P4HA3: variants seen among roughly 807,000 people sequenced by gnomAD.
P4HA3 encodes the protein prolyl 4-hydroxylase subunit alpha 3.
In P4HA3, 60 loss-of-function variants were observed where a neutral mutation model predicts 66.7. That is an observed-to-expected ratio of 0.90 (90% CI 0.73 to 1.12). P4HA3 has a LOEUF of 1.12. Among genes scored for constraint, P4HA3 ranks in the 50% most tolerant of loss-of-function variants. P4HA3 has a pLI of 0.00. For synonymous variants in P4HA3, 263 were observed against 274.6 expected, an observed-to-expected ratio of 0.96 and a Z score of 0.42; for missense variants, 683 against 685.8, an observed-to-expected ratio of 1.00 and a Z score of 0.05.
intron 1 of P4HA3, among the ~76,000 whole-genome samples, chr11:74,306,725 A>G (rs900790691): frequency 2.0e-5 from 3 of 152,192 alleles, no homozygotes; most frequent in Admixed American, 2.0e-4. Context: ...CAACTATGAA[A>G]TGAAGCCTGA....
downstream of P4HA3, among the ~76,000 whole-genome samples, chr11:74,266,039 A>G (rs1249521075): frequency 6.6e-6 from 1 of 152,202 alleles, no homozygotes; most frequent in African/African-American, 2.4e-5. Context: ...GAGCCACTGC[A>G]TTGAGTGGAA....
rs747859761 is a variant in P4HA3, at chr11:74,304,397, T to A, written c.216A>T (p.Val72=). ...TTGTTGAATCCTCATGCAAAGAAAG[T>A]ACCTTGTCGTAGAATCTGAAAGAAA... The part of the protein sequence containing the change: ...LRDLTRFYDK[V]LSLHEDSTTP... The change falls in exon 2 of 13, where the codon GTA becomes GTT. Residue 72 remains valine (V), a synonymous_variant. Coordinates refer to ENST00000331597, the MANE Select transcript of P4HA3 (RefSeq NM_182904.5). The A allele has an allele frequency of 3.6e-5, 58 of 1,613,934 alleles. No homozygotes were observed. Among genetic ancestry groups the A allele is most frequent in the Non-Finnish European group, 4.7e-5 (56 of 1,179,982 alleles).
At chr11:74,269,022 T>A (rs1860095321) in intron 11 of P4HA3, among the ~76,000 whole-genome samples, 1 of 152,238 alleles carries the variant, frequency 6.6e-6, no homozygotes, top group African/African-American at 2.4e-5. Flanking sequence ...GATTATCGAA[T>A]GCTCAGGATG....
chr11:74,272,682 TAGAA>T (rs1860247086), intron 10 of P4HA3, among the ~76,000 whole-genome samples: 2 of 152,322 alleles, frequency 1.3e-5, no homozygotes, highest in South Asian at 2.1e-4. Flanking sequence ...ACAGTCCTAA[TAGAA>T]GAGGAAAAGC....
intron 3 of P4HA3, among the ~76,000 whole-genome samples, chr11:74,299,625 CTT>C (rs1861337434): frequency 6.8e-6 from 1 of 147,208 alleles, no homozygotes; most frequent in Admixed American, 6.8e-5. Context: ...AATTCGGACA[CTT>C]TGAATAAACT....
chr11:74,289,102 A>G lies in P4HA3; in HGVS notation c.746T>C (p.Leu249Pro). Residue 249 changes from leucine to proline, a missense_variant, in exon 5 of 13, where the codon CTC becomes CCC. By Grantham distance (98) the Leu-to-Pro change is moderately conservative. Coordinates refer to ENST00000331597, the MANE Select transcript of P4HA3 (RefSeq NM_182904.5). ...RAGNVSCALS[L>P]SREFLLYSPD... Reference sequence around the variant, plus strand: ...ACTGTAGAGAAGAAACTCCCGAGAGAGGCTGAGGGCACACGAAACATTTCC... The same window carrying G: ...ACTGTAGAGAAGAAACTCCCGAGAGGGGCTGAGGGCACACGAAACATTTCC... 1 of 1,585,032 alleles carries G rather than the reference A, an allele frequency of 6.3e-7. No individual in the cohort carries two copies. The highest frequency in any genetic ancestry group is 1.8e-5 in the Admixed American group (1 of 55,966).
At chr11:74,289,905 C>A (rs1860950642) in intron 4 of P4HA3, among the ~76,000 whole-genome samples, 1 of 152,152 alleles carries the variant, frequency 6.6e-6, no homozygotes, top group South Asian at 2.1e-4. Flanking sequence ...TATAAACATA[C>A]ATGTGCATGT....
intron 15 of P4HA3, chr11:74,253,853 A>T: frequency 2.3e-6 from 1 of 427,612 alleles, no homozygotes; most frequent in Non-Finnish European, 4.2e-6. Flanking sequence ...GATACATCTG[A>T]GTTCAAATGT....
At chr11:74,272,803 T>C (rs1021308316) in intron 10 of P4HA3, among the ~76,000 whole-genome samples, 3 of 152,206 alleles carry the variant, frequency 2.0e-5, no homozygotes, top group Admixed American at 6.5e-5. Context: ...AACAGTAAGG[T>C]ATCTCTTCTA....
chr11:74,300,039 A>G (rs1484031828), intron 3 of P4HA3, among the ~76,000 whole-genome samples: 1 of 152,134 alleles, frequency 6.6e-6, no homozygotes. Flanking sequence ...TTGAGCCTCT[A>G]CTTCTGGTGA....
intron 3 of P4HA3, among the ~76,000 whole-genome samples, chr11:74,301,966 C>T (rs531359537): frequency 1.8e-4 from 28 of 152,276 alleles, no homozygotes; most frequent in African/African-American, 6.7e-4. Context: ...CCCCTGCTTT[C>T]CCTTTCTACC....
At chr11:74,308,758 TTAAAA>T (rs138633165) in intron 1 of P4HA3, among the ~76,000 whole-genome samples, 5 of 152,246 alleles carry the variant, frequency 3.3e-5, no homozygotes, top group African/African-American at 9.6e-5. Context: ...CTAGATGGTC[TTAAAA>T]TAAAATAAAA....
At chr11:74,295,767 A>G (rs771191761) in intron 4 of P4HA3, among the ~76,000 whole-genome samples, 2 of 152,122 alleles carry the variant, frequency 1.3e-5, no homozygotes, top group Non-Finnish European at 2.9e-5. Flanking sequence ...CCATTCCACT[A>G]CTGTTGGACA....
chr11:74,311,514 G>T lies in P4HA3; in HGVS notation c.98C>A (p.Ala33Glu). 1.9e-6 allele frequency: 3 copies of T among 1,540,216 alleles called. No homozygotes were observed. The highest frequency in any genetic ancestry group is 1.2e-5 in the South Asian group (1 of 84,016). Residue 33 changes from alanine (A) to glutamate (E), a missense_variant, in exon 1 of 13, where the codon GCG becomes GAG. Physicochemically the swap from Ala to Glu is moderately radical, Grantham distance 107. Coordinates refer to ENST00000331597, the MANE Select transcript of P4HA3 (RefSeq NM_182904.5). Reference protein sequence around the residue: ...RAAARGDTFSALTSVARALAP... With the variant: ...RAAARGDTFSELTSVARALAP... ...CAGGGCGCGCGCCACGCTGGTCAGC[G>T]CCGAGAACGTGTCGCCCCGAGCCGC...
At chr11:74,306,925 C>T (rs1861596905) in intron 1 of P4HA3, among the ~76,000 whole-genome samples, 1 of 152,142 alleles carries the variant, frequency 6.6e-6, no homozygotes, top group Non-Finnish European at 1.5e-5. Context: ...TGAAACCAGC[C>T]TCCAGGGTGT....
At chr11:74,306,480 A>G (rs1861583434) in intron 1 of P4HA3, among the ~76,000 whole-genome samples, 1 of 152,224 alleles carries the variant, frequency 6.6e-6, no homozygotes, top group African/African-American at 2.4e-5. Flanking sequence ...TTTTAAAATT[A>G]TCAACTTCAA....
At chr11:74,266,330 T>C (rs1859990851), downstream of P4HA3, among the ~76,000 whole-genome samples, 1 of 152,186 alleles carries the variant, frequency 6.6e-6, no homozygotes, top group Non-Finnish European at 1.5e-5. Context: ...TTGTATAAAA[T>C]GGTGTAGTAT....
intron 15 of P4HA3, chr11:74,251,370 C>T (rs979046814): frequency 3.7e-6 from 5 of 1,357,942 alleles, no homozygotes; most frequent in Non-Finnish European, 3.8e-6. Context: ...AATATGGGCT[C>T]CTCCTGTGAG....
Position 74,311,579 on chromosome 11 carries a change from C to A in P4HA3, c.33G>T (p.Leu11=). ...CTCCTGTCCCGAGCGCCAGCACCGC[C>A]AGCAGCGCCGCCAGCCGCGCCCCAG... MGPGARLAAL[L]AVLALGTGDP... is the part of the protein sequence containing the mutation. The change falls in exon 1 of 13, where the codon CTG becomes CTT. Residue 11 remains leucine (L), a synonymous_variant. Coordinates refer to ENST00000331597, the MANE Select transcript of P4HA3 (RefSeq NM_182904.5). 1 of 1,536,040 alleles carries A rather than the reference C, an allele frequency of 6.5e-7. No individual in the cohort carries two copies. Among genetic ancestry groups the A allele is most frequent in the Non-Finnish European group, 8.7e-7 (1 of 1,152,936 alleles).
Sources: gnomAD v4.1 joint callset for allele counts (sites outside exome capture counted in the v4.1 genomes callset) on GRCh38, gnomAD v4.1.1 for gene constraint, MANE v1.5 for transcripts, NCBI Gene and HGNC (gene_info 2026-07-23, HGNC 2026-07-21) for gene names.